NARS1: variants seen among roughly 807,000 people sequenced by gnomAD.
NARS1 encodes asparaginyl-tRNA synthetase 1.
In NARS1, 65 loss-of-function variants were observed where a neutral mutation model predicts 79.2. The ratio of observed to expected loss-of-function variants is 0.82; its 90% confidence interval spans 0.67 to 1.01. The LOEUF (loss-of-function observed/expected upper bound fraction) is 1.01, where lower values mean the gene tolerates loss of function less well. NARS1 is among the 50% of genes least tolerant of loss of function. The probability of loss-of-function intolerance (pLI) is 0.00; values close to 1 mark genes in which losing one functional copy is unlikely to be tolerated. For synonymous variants in NARS1, 229 were observed against 238.8 expected (o/e 0.96, Z 0.38); for missense variants, 649 against 673.8 (o/e 0.96, Z 0.41).
chr18:57,606,128 C>T (rs1190681524), intron 10 of NARS1, among the ~76,000 whole-genome samples, 158 bp from the exon 11 acceptor site: 1 of 151,802 alleles, frequency 6.6e-6, no homozygotes, highest in Non-Finnish European at 1.5e-5. Flanking sequence ...GTGGGCAGAT[C>T]ACTTGAGGTC....
At chr18:57,616,384 C>T (rs1216155421) in intron 2 of NARS1, among the ~76,000 whole-genome samples, 1 of 150,234 alleles carries the variant, frequency 6.7e-6, no homozygotes, top group Admixed American at 6.7e-5. Context: ...CGTGCCACTG[C>T]ACTCCAGCCT....
At chr18:57,614,869 C>T (rs4559988) in intron 4 of NARS1, among the ~76,000 whole-genome samples, 8 of 152,300 alleles carry the variant, frequency 5.3e-5, no homozygotes, top group African/African-American at 1.7e-4. Context: ...CATTATTTCT[C>T]TATGTCCCTT....
At chr18:57,611,983 C>T (rs1366563101) in intron 5 of NARS1, among the ~76,000 whole-genome samples, 1 of 152,052 alleles carries the variant, frequency 6.6e-6, no homozygotes, top group African/African-American at 2.4e-5. Flanking sequence ...TCTCAAGCTC[C>T]TGGGCTCAAG....
intron 11 of NARS1, among the ~76,000 whole-genome samples, chr18:57,604,933 T>G (rs1403145035): frequency 2.0e-5 from 3 of 152,030 alleles, no homozygotes; most frequent in African/African-American, 7.3e-5. Context: ...GGAGAGTGGT[T>G]CTCAGGCAAA....
chr18:57,613,504 G>A (rs2051622241), intron 5 of NARS1, 98 bp downstream of exon 5: 3 of 1,050,956 alleles, frequency 2.9e-6, no homozygotes, highest in South Asian at 1.5e-5. Context: ...GAAAAAAAGG[G>A]GGAGAGAAAA....
chr18:57,605,242 T>C (rs929023233), intron 11 of NARS1, among the ~76,000 whole-genome samples: 3 of 151,600 alleles, frequency 2.0e-5, no homozygotes, highest in Non-Finnish European at 2.9e-5. Context: ...AAAGAGAGCT[T>C]ATAAGCTGTG....
chr18:57,619,334 T>G (rs944887876), intron 2 of NARS1, among the ~76,000 whole-genome samples: 3 of 150,756 alleles, frequency 2.0e-5, no homozygotes, highest in African/African-American at 7.3e-5. Context: ...CCCAGCACTT[T>G]GGGAGGGTTA....
intron 2 of NARS1, among the ~76,000 whole-genome samples, chr18:57,617,271 C>A (rs1472798001): frequency 6.6e-6 from 1 of 152,096 alleles, no homozygotes; most frequent in Non-Finnish European, 1.5e-5. Context: ...ACGACTGCTG[C>A]AGAGAAGGAG....
chr18:57,607,811 T>A (rs888395817), intron 7 of NARS1, 146 bp from the exon 8 acceptor site: 3 of 649,132 alleles, frequency 4.6e-6, no homozygotes, highest in Non-Finnish European at 7.9e-6. Context: ...TAGTTTTATA[T>A]TGATATTTTT....
chr18:57,609,398 C>T lies in NARS1; in HGVS notation c.538G>A (p.Ala180Thr), dbSNP rs562492280. 9.2e-5 allele frequency: 148 copies of T among 1,614,048 alleles called. No homozygotes were observed. In the Admixed American group the frequency reaches 1.4e-3, roughly 15 times the overall value. Reference sequence around the variant, plus strand: ...GTAAGATTTAGCATTCCATACACTGCAACACTGCTCTCCGTGGACAAGAGA... The same window carrying T: ...GTAAGATTTAGCATTCCATACACTGTAACACTGCTCTCCGTGGACAAGAGA... ...GVLLSTESSV[A>T]VYGMLNLTPK... The change falls in exon 7 of 14, where the codon GCA (alanine) becomes ACA (threonine). Residue 180 changes from alanine to threonine, a missense_variant. Physicochemically the swap from Ala to Thr is moderately conservative, Grantham distance 58 (BLOSUM62 0). Transcript: ENST00000256854.
At position 57,601,328 on chromosome 18, in the gene NARS1, C is replaced by T. The variant is rs1036654141; in HGVS notation, c.*324G>A. The T allele has an allele frequency of 1.1e-5, 2 of 182,660 alleles. No homozygotes were observed. Among genetic ancestry groups the T allele is most frequent in the South Asian group, 2.7e-4 (2 of 7,350 alleles). The allele number at this position is 182,660 out of a possible 1,614,324, so 11.3% of individuals were successfully genotyped here. On this transcript the variant is annotated 3_prime_UTR_variant, in exon 14 of 14. Transcript: ENST00000256854. ...CATAATCTAAAATTGTTGAATTATA[C>T]ATACATATAACTTGAATAAAATGAA...
Position 57,620,656 on chromosome 18 carries a change from T to C in NARS1, c.11-5A>G, listed in dbSNP as rs1276624291. The C allele has an allele frequency of 6.2e-7, 1 of 1,603,362 alleles. No homozygotes were observed. Among genetic ancestry groups the C allele is most frequent in the Non-Finnish European group, 8.5e-7 (1 of 1,172,084 alleles). On this transcript the variant is annotated splice_polypyrimidine_tract_variant and splice_region_variant and intron_variant, in intron 1 of 13. Transcript: ENST00000256854. ...GGTCAGAGACGTACAGCTCTGCTGTTTGACAAAATGAGGGTAAGTTATGGT... is the reference window on the plus strand; with the variant it reads ...GGTCAGAGACGTACAGCTCTGCTGTCTGACAAAATGAGGGTAAGTTATGGT...
chr18:57,615,864 T>A lies in NARS1; in HGVS notation c.205A>T (p.Met69Leu), dbSNP rs1217843113. ...SKSQLKNIKK[M>L]WHREQMKSES... Reference sequence around the variant, plus strand: ...CTCTTCATTTGTTCCCTATGCCACATCTTTTTAATGTTCTTCAACTGTGAT... The same window carrying A: ...CTCTTCATTTGTTCCCTATGCCACAACTTTTTAATGTTCTTCAACTGTGAT... The change falls in exon 3 of 14, where the codon ATG becomes TTG. Residue 69 changes from methionine to leucine, a missense_variant. Coordinates refer to ENST00000256854, the MANE Select transcript of NARS1 (RefSeq NM_004539.4). The A allele has an allele frequency of 1.2e-6, 2 of 1,613,700 alleles. No homozygotes were observed. Among genetic ancestry groups the A allele is most frequent in the Admixed American group, 1.7e-5 (1 of 59,920 alleles).
At chr18:57,602,978 C>T in intron 11 of NARS1, 35 bp from the exon 12 acceptor site, 1 of 1,611,990 alleles carries the variant, frequency 6.2e-7, no homozygotes. Flanking sequence ...ACATTTACAA[C>T]TTGGATCGCA....
At chr18:57,615,755 G>T in intron 3 of NARS1, 25 bp from the exon 4 acceptor site, 1 of 1,610,160 alleles carries the variant, frequency 6.2e-7, no homozygotes, top group Non-Finnish European at 8.5e-7. Context: ...GAAGCAGTTT[G>T]TTAACATGGT....
chr18:57,609,974 G>C (rs371130717), intron 6 of NARS1, among the ~76,000 whole-genome samples: 2 of 152,062 alleles, frequency 1.3e-5, no homozygotes, highest in East Asian at 3.9e-4. Flanking sequence ...TTGGGCCTGG[G>C]AAGTCGAGGC....
rs1207945901 is a variant in NARS1, at chr18:57,607,660, T to C, written c.585A>G (p.Pro195=). The part of the protein sequence containing the change: ...LNLTPKGKQA[P]GGHELSCDFW... ...AGTCACAACTCAGCTCATGGCCACC[T>C]GGAGCCTGCATTTTTTAAAAGTGGG... Residue 195 remains proline, a synonymous_variant, in exon 8 of 14, where the codon CCA becomes CCG. Coordinates refer to ENST00000256854, the MANE Select transcript of NARS1 (RefSeq NM_004539.4). 6.2e-7 allele frequency: 1 copy of C among 1,607,400 alleles called. No individual in the cohort carries two copies. Among genetic ancestry groups the C allele is most frequent in the African/African-American group, 1.3e-5 (1 of 74,664 alleles).
chr18:57,619,536 G>A (rs2122461372), intron 2 of NARS1, among the ~76,000 whole-genome samples: 1 of 151,916 alleles, frequency 6.6e-6, no homozygotes, highest in East Asian at 1.9e-4. Context: ...CCAGACCCAA[G>A]GAAGGAACTT....
At chr18:57,605,404 C>T (rs565911276) in intron 11 of NARS1, among the ~76,000 whole-genome samples, 99 of 151,184 alleles carry the variant, frequency 6.5e-4, no homozygotes, top group African/African-American at 2.3e-3. Flanking sequence ...GTCAAGAGAT[C>T]GAGACCATCC....
Sources: allele counts gnomAD v4.1 joint callset (sites outside exome capture counted in the v4.1 genomes callset), GRCh38; gene constraint gnomAD v4.1.1; transcripts MANE v1.5; gene names NCBI Gene and HGNC (gene_info 2026-07-23, HGNC 2026-07-21).